The following HIVEP3 variants were observed in gnomAD, a reference collection of about 807,000 sequenced individuals.
The protein encoded by HIVEP3 is transcription factor HIVEP3.
HIVEP3 carries 49 observed loss-of-function variants against 152.8 expected under a neutral mutation model. That is an observed-to-expected ratio of 0.32 (90% CI 0.26 to 0.41). The LOEUF is 0.41. Among genes scored for constraint, HIVEP3 ranks in the 10% least tolerant of loss-of-function variants. HIVEP3 has a pLI of 1.00. For synonymous variants in HIVEP3, 1,269 were observed against 1,289.0 expected (o/e 0.98, Z 0.33); for missense variants, 2,790 against 3,103.3 (o/e 0.90, Z 2.40).
chr1:41,825,585 A>C (rs1323259432), intron 1 of HIVEP3, among the ~76,000 whole-genome samples: 1 of 151,570 alleles, frequency 6.6e-6, no homozygotes, highest in African/African-American at 2.4e-5. Context: ...TGAGATATAT[A>C]TATATATATT....
rs182299674 is a variant in HIVEP3 at position 41,709,392 on chromosome 1, G to A, written c.-800-8397C>T. The stretch of plus-strand genomic sequence containing the variant: ...GACAGCTGCATCCGGGTCATGTCAG[G>A]TGGAAGCCCAGAGAAAGGAGCATCC... On this transcript the variant is annotated intron_variant, in intron 1 of 8. Transcript: ENST00000372583. 7.2e-4 allele frequency among the ~76,000 whole-genome samples: 109 copies of A among 152,356 alleles called. No individual in the cohort carries two copies. In the South Asian group the frequency reaches 7.7e-3, roughly 11 times the overall value.
At chr1:41,919,298 C>G (rs951274491), upstream of HIVEP3, among the ~76,000 whole-genome samples, 1 of 152,160 alleles carries the variant, frequency 6.6e-6, no homozygotes, top group Non-Finnish European at 1.5e-5. Flanking sequence ...CTCTTGTCAG[C>G]AAGCGTGTCA....
chr1:41,542,879 C>A (rs1420226353), intron 5 of HIVEP3: 1 of 152,586 alleles, frequency 6.6e-6, no homozygotes, highest in Non-Finnish European at 1.5e-5. Context: ...GATCATGGTC[C>A]AGATTAACAA....
chr1:41,552,489 T>C (rs1418027632), intron 5 of HIVEP3, among the ~76,000 whole-genome samples: 1 of 148,070 alleles, frequency 6.8e-6, no homozygotes, highest in Admixed American at 6.7e-5. Context: ...GTTCTTGCAA[T>C]AGTTTACTGA....
At chr1:41,941,199 A>G (rs906795644) in intron 1 of HIVEP3, among the ~76,000 whole-genome samples, 1 of 152,202 alleles carries the variant, frequency 6.6e-6, no homozygotes, top group Non-Finnish European at 1.5e-5. Context: ...GAAGGGAAGC[A>G]AAGGAATGGG....
At chr1:42,027,670 C>T (rs957718349) in intron 1 of HIVEP3, among the ~76,000 whole-genome samples, 1 of 152,124 alleles carries the variant, frequency 6.6e-6, no homozygotes, top group Non-Finnish European at 1.5e-5. Flanking sequence ...TAAAGACATA[C>T]CCGAAACTGG....
chr1:41,861,909 C>T (rs947531793), intron 1 of HIVEP3, among the ~76,000 whole-genome samples: 1 of 152,076 alleles, frequency 6.6e-6, no homozygotes, highest in African/African-American at 2.4e-5. Context: ...AGGCTGGCCA[C>T]GGTGTTGGCA....
intron 5 of HIVEP3, among the ~76,000 whole-genome samples, chr1:41,562,398 G>T (rs990760608): frequency 6.6e-6 from 1 of 152,178 alleles, no homozygotes; most frequent in Admixed American, 6.5e-5. Flanking sequence ...AGAATGGGCT[G>T]CATGGCTAAA....
chr1:41,779,812 C>T (rs1274295258), intron 1 of HIVEP3, among the ~76,000 whole-genome samples: 1 of 152,108 alleles, frequency 6.6e-6, no homozygotes, highest in East Asian at 1.9e-4. Flanking sequence ...CCCCTCCTTA[C>T]CAGGAAGGGT....
intron 1 of HIVEP3, among the ~76,000 whole-genome samples, chr1:41,740,593 T>G (rs1646982399): frequency 6.6e-6 from 1 of 152,172 alleles, no homozygotes; most frequent in African/African-American, 2.4e-5. Context: ...CATGTGTCCT[T>G]CATATTTATT....
chr1:41,669,146 T>A (rs1172663985), intron 2 of HIVEP3, among the ~76,000 whole-genome samples: 1 of 152,160 alleles, frequency 6.6e-6, no homozygotes, highest in Non-Finnish European at 1.5e-5. Context: ...AAACCCACCC[T>A]GAACTCTGAC....
chr1:41,698,186 T>A (rs1416607608), intron 2 of HIVEP3, among the ~76,000 whole-genome samples: 1 of 152,190 alleles, frequency 6.6e-6, no homozygotes, highest in Non-Finnish European at 1.5e-5. Flanking sequence ...CTCCTTATGA[T>A]GCCCACCCTA....
At chr1:41,829,254 T>C (rs1642892292) in intron 1 of HIVEP3, among the ~76,000 whole-genome samples, 1 of 152,372 alleles carries the variant, frequency 6.6e-6, no homozygotes, top group Non-Finnish European at 1.5e-5. Flanking sequence ...CAATCAGACC[T>C]GACACACATT....
intron 5 of HIVEP3, among the ~76,000 whole-genome samples, chr1:41,552,620 T>C (rs948976638): frequency 1.3e-4 from 19 of 149,936 alleles, no homozygotes; most frequent in Admixed American, 2.0e-4. Context: ...TCTATCATTG[T>C]TGGACATTTG....
chr1:41,905,131 T>G (rs1272894636), intron 1 of HIVEP3, among the ~76,000 whole-genome samples: 1 of 152,184 alleles, frequency 6.6e-6, no homozygotes, highest in Non-Finnish European at 1.5e-5. Flanking sequence ...TCCTACATAG[T>G]TGATGTGTCT....
At chr1:41,715,015 C>T (rs1388155669) in intron 1 of HIVEP3, among the ~76,000 whole-genome samples, 3 of 152,098 alleles carry the variant, frequency 2.0e-5, no homozygotes, top group Non-Finnish European at 4.4e-5. Flanking sequence ...CTGCTGGCAT[C>T]GGGGGAGCTG....
At chr1:41,940,895 G>GGA (rs369625049) in intron 1 of HIVEP3, among the ~76,000 whole-genome samples, 2 of 151,366 alleles carry the variant, frequency 1.3e-5, no homozygotes, top group African/African-American at 4.9e-5. Flanking sequence ...AGGGAGCGGG[G>GGA]GAGAGAGAGA....
At chr1:41,877,110 T>C (rs916129527) in intron 1 of HIVEP3, among the ~76,000 whole-genome samples, 1 of 152,182 alleles carries the variant, frequency 6.6e-6, no homozygotes, top group Non-Finnish European at 1.5e-5. Context: ...GTTAATAATA[T>C]TAAACTCATC....
chr1:41,732,411 G>A (rs1393761509), intron 1 of HIVEP3, among the ~76,000 whole-genome samples: 3 of 152,122 alleles, frequency 2.0e-5, no homozygotes, highest in South Asian at 2.1e-4. Flanking sequence ...AGCAGAGGGC[G>A]GTCTTAACAA....
Sources: allele counts gnomAD v4.1 joint callset (sites outside exome capture counted in the v4.1 genomes callset), GRCh38; gene constraint gnomAD v4.1.1; transcripts MANE v1.5; gene names NCBI Gene and HGNC (gene_info 2026-07-23, HGNC 2026-07-21).